NTN1: variants seen among roughly 807,000 people sequenced by gnomAD.
NTN1 encodes the protein netrin-1.
A neutral mutation model predicts 54.2 loss-of-function variants in NTN1; 11 were observed. The observed-to-expected ratio is 0.20, with a 90% CI of 0.13 to 0.34. The LOEUF is 0.34. Ranked by LOEUF, NTN1 falls within the 10% of genes least tolerant of loss-of-function variation. NTN1 has a pLI of 1.00. For synonymous variants in NTN1, 371 were observed against 382.0 expected (o/e 0.97, Z 0.33); for missense variants, 740 against 893.1 (o/e 0.83, Z 2.18).
chr17:9,020,648 T>G (rs1381481046), upstream of NTN1, among the ~76,000 whole-genome samples: 1 of 152,234 alleles, frequency 6.6e-6, no homozygotes, highest in African/African-American at 2.4e-5. Context: ...GGAGGTCCCA[T>G]GAGCTATTAC....
At chr17:9,067,520 C>T (rs1312639396) in intron 2 of NTN1, among the ~76,000 whole-genome samples, 1 of 152,188 alleles carries the variant, frequency 6.6e-6, no homozygotes, top group Non-Finnish European at 1.5e-5. Context: ...ACCCGGGATA[C>T]ATTAATTTAC....
intron 2 of NTN1, among the ~76,000 whole-genome samples, chr17:9,080,846 G>T (rs1311536974): frequency 6.6e-6 from 1 of 152,222 alleles, no homozygotes; most frequent in Non-Finnish European, 1.5e-5. Flanking sequence ...TCATGTGGAG[G>T]TTCCTAGAGG....
chr17:9,166,070 C>T (rs1429610716), intron 3 of NTN1, among the ~76,000 whole-genome samples: 1 of 151,960 alleles, frequency 6.6e-6, no homozygotes, highest in Non-Finnish European at 1.5e-5. Flanking sequence ...TGGTAGGAAC[C>T]ATCGTTAGGA....
At position 9,022,722 on chromosome 17, in the gene NTN1, C is replaced by A; in HGVS notation, c.349C>A (p.Leu117Met). 6.2e-7 allele frequency: 1 copy of A among 1,605,254 alleles called. No individual in the cohort carries two copies. Residue 117 changes from leucine (L) to methionine (M), a missense_variant, in exon 2 of 7, where the codon CTG (leucine) becomes ATG (methionine). By Grantham distance (15) the Leu-to-Met change is conservative. Transcript: ENST00000173229. ...FLTDLNNPHN[L>M]TCWQSENYLQ... ...CACCGACCTCAACAACCCGCACAAC[C>A]TGACGTGCTGGCAGTCCGAGAACTA...
chr17:9,199,701 C>G (rs1904729506), intron 5 of NTN1, among the ~76,000 whole-genome samples: 1 of 152,248 alleles, frequency 6.6e-6, no homozygotes, highest in African/African-American at 2.4e-5. Context: ...AGTCACATGA[C>G]CACCCCAACT....
intron 5 of NTN1, among the ~76,000 whole-genome samples, chr17:9,184,804 C>A (rs1420747231): frequency 6.6e-6 from 1 of 152,230 alleles, no homozygotes; most frequent in East Asian, 1.9e-4. Context: ...GGAGGGATCT[C>A]ATGAGGTTTC....
chr17:9,194,031 T>C (rs1381219224), intron 5 of NTN1, among the ~76,000 whole-genome samples: 2 of 146,708 alleles, frequency 1.4e-5, no homozygotes, highest in African/African-American at 5.1e-5. Flanking sequence ...AGGTCAGGAG[T>C]TTGAGACCAG....
At chr17:9,128,787 C>T (rs2012581977) in intron 2 of NTN1, among the ~76,000 whole-genome samples, 1 of 152,190 alleles carries the variant, frequency 6.6e-6, no homozygotes, top group African/African-American at 2.4e-5. Flanking sequence ...AGCGTTCACC[C>T]AACCCGAGTG....
At chr17:9,146,930 T>G (rs77348223) in intron 2 of NTN1, among the ~76,000 whole-genome samples, 5,423 of 152,058 alleles carry the variant, frequency 0.036, 165 homozygotes, top group African/African-American at 0.086. Context: ...GCATCGGTGT[T>G]GAGATGCTGG....
At position 9,056,534 on chromosome 17, in the gene NTN1, G is replaced by C. The variant is rs777972911; in HGVS notation, c.1018+33143G>C. Among the ~76,000 whole-genome samples, 56 of 152,316 alleles carry C rather than the reference G, an allele frequency of 3.7e-4. 1 individual carries two copies. Among genetic ancestry groups the C allele is most frequent in the Admixed American group, 1.5e-3 (23 of 15,306 alleles). On this transcript the variant is annotated intron_variant, in intron 2 of 6. Transcript: ENST00000173229. ...AAAGCAGAAGCAGGGAAGGACCCTG[G>C]GCTGGAGAGTCCTGAGTTAGAGACC...
intron 5 of NTN1, among the ~76,000 whole-genome samples, chr17:9,195,184 C>T (rs77987684): frequency 0.037 from 4,335 of 116,394 alleles, 117 homozygotes; most frequent in Non-Finnish European, 0.053. Context: ...CAGGGCCAGG[C>T]GAGCTCTACC....
rs560577531 is a variant in NTN1, at chr17:9,198,016, G to T, written c.1411+15047G>T. Among the ~76,000 whole-genome samples the T allele has an allele frequency of 1.6e-4, 25 of 152,268 alleles. No individual in the cohort carries two copies. In the East Asian group the frequency reaches 4.8e-3, roughly 29 times the overall value. On this transcript the variant is annotated intron_variant, in intron 5 of 6. Transcript: ENST00000173229. Reference sequence around the variant, plus strand: ...TCTTTGAGGCTAGTTGATGGCTGTGGGTGGGATGCCAGCCATCCACCCAGG... The same window carrying T: ...TCTTTGAGGCTAGTTGATGGCTGTGTGTGGGATGCCAGCCATCCACCCAGG...
At chr17:9,145,269 G>A (rs1243051379) in intron 2 of NTN1, among the ~76,000 whole-genome samples, 2 of 152,190 alleles carry the variant, frequency 1.3e-5, no homozygotes, top group African/African-American at 4.8e-5. Flanking sequence ...CTCCAACCCT[G>A]ACTTGTACTA....
chr17:9,217,981 T>C (rs2142352809), intron 5 of NTN1, among the ~76,000 whole-genome samples: 1 of 152,178 alleles, frequency 6.6e-6, no homozygotes, highest in South Asian at 2.1e-4. Flanking sequence ...AGCAGCCACC[T>C]TCTCTGGATC....
intron 6 of NTN1, among the ~76,000 whole-genome samples, chr17:9,229,444 C>G (rs1007249736): frequency 6.6e-6 from 1 of 152,032 alleles, no homozygotes; most frequent in Non-Finnish European, 1.5e-5. Flanking sequence ...CGCTGAGACT[C>G]AACAAGATAA....
rs1169064547 is a variant in NTN1 at position 9,240,033 on chromosome 17, T to G, written c.*65T>G. ...CGGGGCCGAGCGAGAGCGGGCGCCT[T>G]GGCCCGGCCGCCGCGGACTTGGCCC... On this transcript the variant is annotated 3_prime_UTR_variant, in exon 7 of 7. Coordinates refer to ENST00000173229, the MANE Select transcript of NTN1 (RefSeq NM_004822.3). The G allele has an allele frequency of 7.9e-6, 8 of 1,014,292 alleles. No homozygotes were observed. The African/African-American group carries it at 9.6e-5, about 12-fold the overall frequency. The allele number at this position is 1,014,292 out of a possible 1,614,324, so 62.8% of individuals were successfully genotyped here.
chr17:9,079,075 C>A (rs998520044), intron 2 of NTN1, among the ~76,000 whole-genome samples: 1 of 152,188 alleles, frequency 6.6e-6, no homozygotes, highest in Non-Finnish European at 1.5e-5. Flanking sequence ...GGAGAAGACC[C>A]ATGGGCAGGA....
At chr17:9,234,802 C>T (rs1275442258) in intron 6 of NTN1, among the ~76,000 whole-genome samples, 2 of 152,216 alleles carry the variant, frequency 1.3e-5, no homozygotes, top group Non-Finnish European at 2.9e-5. Context: ...AGGCCAGGCT[C>T]CCCTCCCCAG....
At chr17:9,138,625 TG>T (rs754835856) in intron 2 of NTN1, among the ~76,000 whole-genome samples, 8 of 152,066 alleles carry the variant, frequency 5.3e-5, no homozygotes, top group Non-Finnish European at 1.0e-4. Flanking sequence ...ACCTACTTAT[TG>T]GGTGTGCTGA....
Sources: gnomAD v4.1 joint callset for allele counts (sites outside exome capture counted in the v4.1 genomes callset) on GRCh38, gnomAD v4.1.1 for gene constraint, MANE v1.5 for transcripts, NCBI Gene and HGNC (gene_info 2026-07-23, HGNC 2026-07-21) for gene names.